KDM5A: variants seen among roughly 807,000 people sequenced by gnomAD.
KDM5A encodes the protein lysine demethylase 5A.
In KDM5A, 42 loss-of-function variants were observed where a neutral mutation model predicts 193.5. The ratio of observed to expected loss-of-function variants is 0.22; its 90% confidence interval spans 0.17 to 0.28. The LOEUF (loss-of-function observed/expected upper bound fraction) is 0.28, where lower values mean the gene tolerates loss of function less well. KDM5A is among the 10% of genes least tolerant of loss of function. KDM5A has a pLI of 1.00. For synonymous variants in KDM5A, 796 were observed against 718.1 expected (o/e 1.11, Z -1.73); for missense variants, 1,692 against 2,055.1 (o/e 0.82, Z 3.42).
At position 296,302 on chromosome 12, in the gene KDM5A, A is replaced by G. The variant is rs183138747; in HGVS notation, c.4235-509T>C. On this transcript the variant is annotated intron_variant, in intron 25 of 27. Coordinates refer to ENST00000399788, the MANE Select transcript of KDM5A (RefSeq NM_001042603.3). ...ACGCCATTGCACTCCAGCCTGGGCA[A>G]CAAGACAGAAACTCCATCTCAAAAA... Among the ~76,000 whole-genome samples, 570 of 150,390 alleles carry G rather than the reference A, an allele frequency of 3.8e-3. 1 individual carries two copies. The highest frequency in any genetic ancestry group is 0.013 in the African/African-American group (538 of 40,820).
intron 16 of KDM5A, among the ~76,000 whole-genome samples, 160 bp downstream of exon 16, chr12:322,922 A>G (rs1943736214): frequency 6.6e-6 from 1 of 152,224 alleles, no homozygotes; most frequent in Admixed American, 6.5e-5. Flanking sequence ...AGATTCTCAA[A>G]TAGAAAATTA....
At chr12:356,122 G>T (rs1944227098) in intron 6 of KDM5A, among the ~76,000 whole-genome samples, 1 of 152,104 alleles carries the variant, frequency 6.6e-6, no homozygotes, top group African/African-American at 2.4e-5. Context: ...AGCTCACGAG[G>T]TAAGAACCAT....
At chr12:383,675 C>A (rs1399598492) in intron 3 of KDM5A, among the ~76,000 whole-genome samples, 1 of 152,010 alleles carries the variant, frequency 6.6e-6, no homozygotes, top group Middle Eastern at 3.4e-3. Context: ...AAATATTGAT[C>A]TCAACAAATA....
chr12:295,145 T>C (rs1046720470), intron 26 of KDM5A, among the ~76,000 whole-genome samples: 6 of 151,920 alleles, frequency 3.9e-5, no homozygotes, highest in Admixed American at 2.0e-4. Context: ...CGCTTCTTTT[T>C]AGCAGAAATG....
chr12:361,917 G>A (rs113274567), intron 5 of KDM5A, among the ~76,000 whole-genome samples: 98 of 152,230 alleles, frequency 6.4e-4, no homozygotes, highest in African/African-American at 2.3e-3. Flanking sequence ...TGGCATAACG[G>A]AGAGATAGTC....
chr12:349,699 C>T (rs1591925700), intron 10 of KDM5A, among the ~76,000 whole-genome samples: 1 of 147,186 alleles, frequency 6.8e-6, no homozygotes. Flanking sequence ...ATTAAATTAG[C>T]TTTTTTTTTT....
intron 2 of KDM5A, among the ~76,000 whole-genome samples, 181 bp downstream of exon 2, chr12:385,716 A>G (rs964845917): frequency 1.3e-5 from 2 of 152,226 alleles, no homozygotes; most frequent in Non-Finnish European, 2.9e-5. Context: ...TGGAAAAACC[A>G]TAACAACTTT....
intron 1 of KDM5A, among the ~76,000 whole-genome samples, chr12:386,590 T>C (rs146201219): frequency 6.6e-6 from 1 of 152,310 alleles, no homozygotes; most frequent in African/African-American, 2.4e-5. Flanking sequence ...CTCATACCTG[T>C]AATCCCAGCA....
chr12:297,813 G>T (rs1224787286), intron 24 of KDM5A, among the ~76,000 whole-genome samples: 4 of 152,208 alleles, frequency 2.6e-5, no homozygotes, highest in African/African-American at 9.6e-5. Flanking sequence ...ACCAGCTGCA[G>T]AAATTAACTC....
In KDM5A at chr12:323,144, G is replaced by A. The variant is rs774827785; in HGVS notation, c.2213C>T (p.Ser738Phe). The change falls in exon 16 of 28, where the codon TCC becomes TTC. Residue 738 changes from serine (S) to phenylalanine (F), a missense_variant. By Grantham distance (155) the Ser-to-Phe change is radical. Transcript: ENST00000399788. ...AACACGACTGACCCAAGTGTCATAG[G>A]ACTGTGCCCTGACTTTTACACCATA... ...LLYGVKVRAQ[S>F]YDTWVSRVTE... 1.4e-6 allele frequency: 2 copies of A among 1,478,636 alleles called. No homozygotes were observed. The highest frequency in any genetic ancestry group is 5.7e-5 in the East Asian group (2 of 34,830). The allele number at this position is 1,478,636 out of a possible 1,614,324, so 91.6% of individuals were successfully genotyped here. A position where few individuals can be genotyped will look rare whatever the true frequency, so the allele number is the denominator to read the frequency against.
At position 294,546 on chromosome 12, in the gene KDM5A, T is replaced by C. The variant is rs560019570; in HGVS notation, c.4455+1027A>G. 5.3e-5 allele frequency among the ~76,000 whole-genome samples: 8 copies of C among 152,330 alleles called. No homozygotes were observed. In the South Asian group the frequency reaches 1.7e-3, roughly 32 times the overall value. On this transcript the variant is annotated intron_variant, in intron 26 of 27. Coordinates refer to ENST00000399788, the MANE Select transcript of KDM5A (RefSeq NM_001042603.3). ...AAAGGATTGGGTAAGATAATGAATG[T>C]GAAGAAAATGCTTTGCAGACTGGAA...
intron 10 of KDM5A, among the ~76,000 whole-genome samples, chr12:350,132 GA>G (rs199645605): frequency 8.1e-5 from 11 of 135,850 alleles, no homozygotes; most frequent in South Asian, 2.3e-4. Context: ...CCTCTCAAAG[GA>G]AAAAAAAAAT....
chr12:327,784 A>C (rs1943810851), intron 14 of KDM5A, among the ~76,000 whole-genome samples: 1 of 152,194 alleles, frequency 6.6e-6, no homozygotes. Flanking sequence ...AGGCCAAGGC[A>C]GGAGGACTGC....
At chr12:318,502 T>A in intron 18 of KDM5A, 41 bp from the exon 19 acceptor site, 1 of 1,448,710 alleles carries the variant, frequency 6.9e-7, no homozygotes, top group Non-Finnish European at 9.7e-7. Context: ...AAAACAAATT[T>A]AAAACATACA....
At chr12:383,348 G>A (rs947272350) in intron 3 of KDM5A, among the ~76,000 whole-genome samples, 4 of 151,936 alleles carry the variant, frequency 2.6e-5, no homozygotes, top group Non-Finnish European at 5.9e-5. Flanking sequence ...CTGAGTGGTT[G>A]AGACTACAGG....
chr12:297,943 A>G (rs1943394252), intron 24 of KDM5A, among the ~76,000 whole-genome samples: 1 of 152,204 alleles, frequency 6.6e-6, no homozygotes, highest in Non-Finnish European at 1.5e-5. Context: ...TTAAGGTCAA[A>G]AACAATCCAC....
In KDM5A at chr12:292,978, A is replaced by G; in HGVS notation, c.4647T>C (p.Asn1549=). Reference sequence around the variant, plus strand: ...CTTTTGCTAGTTTCTTGGCCAGTTTATTCAGCTCCTTTGATTTGTCTGCAC... The same window carrying G: ...CTTTTGCTAGTTTCTTGGCCAGTTTGTTCAGCTCCTTTGATTTGTCTGCAC... ...KLGADKSKEL[N]KLAKKLAKEE... The change falls in exon 27 of 28, where the codon AAT becomes AAC. Residue 1549 remains asparagine (N), a synonymous_variant. Coordinates refer to ENST00000399788, the MANE Select transcript of KDM5A (RefSeq NM_001042603.3). 1 of 1,611,056 alleles carries G rather than the reference A, an allele frequency of 6.2e-7. No individual in the cohort carries two copies. Among genetic ancestry groups the G allele is most frequent in the Non-Finnish European group, 8.5e-7 (1 of 1,179,578 alleles).
chr12:294,608 C>G (rs957888911), intron 26 of KDM5A, among the ~76,000 whole-genome samples: 1 of 152,068 alleles, frequency 6.6e-6, no homozygotes, highest in Non-Finnish European at 1.5e-5. Flanking sequence ...ATCTGACTTT[C>G]AAAACAAAAA....
chr12:357,656 C>T (rs187032582), intron 5 of KDM5A, among the ~76,000 whole-genome samples: 35 of 151,366 alleles, frequency 2.3e-4, no homozygotes, highest in Admixed American at 1.7e-3. Flanking sequence ...GGTGAAACCC[C>T]GTCTCTACTA....
Sources: gnomAD v4.1 joint callset for allele counts (sites outside exome capture counted in the v4.1 genomes callset) on GRCh38, gnomAD v4.1.1 for gene constraint, MANE v1.5 for transcripts, NCBI Gene and HGNC (gene_info 2026-07-23, HGNC 2026-07-21) for gene names.